Variants in CGNL1 observed in about 807,000 individuals in gnomAD.
CGNL1 encodes the protein cingulin like 1, also known as cingulin-like protein 1.
CGNL1 carries 132 observed loss-of-function variants against 141.2 expected under a neutral mutation model. The observed-to-expected ratio is 0.93, with a 90% CI of 0.81 to 1.08. The LOEUF is 1.08. Ranked by LOEUF, CGNL1 falls within the 50% of genes least tolerant of loss-of-function variation. CGNL1 has a pLI of 0.00. For missense variants in CGNL1, 1,870 were observed against 1,588.6 expected (o/e 1.18, Z -3.01); for synonymous variants, 690 against 622.1 (o/e 1.11, Z -1.63).
chr15:57,386,438 G>A (rs1706396), intron 1 of CGNL1, among the ~76,000 whole-genome samples: 115,800 of 152,128 alleles, frequency 0.76, 44,728 homozygotes, highest in Admixed American at 0.83. Flanking sequence ...ATCCGTTTCA[G>A]TCAAGGACAC....
At chr15:57,413,390 G>C (rs1196250454) in intron 1 of CGNL1, among the ~76,000 whole-genome samples, 1 of 151,404 alleles carries the variant, frequency 6.6e-6, no homozygotes, top group Non-Finnish European at 1.5e-5. Context: ...CATCCTCCGA[G>C]CTCAGCCTCC....
chr15:57,473,280 A>G (rs1231319543), intron 8 of CGNL1, among the ~76,000 whole-genome samples: 4 of 152,124 alleles, frequency 2.6e-5, no homozygotes, highest in African/African-American at 7.2e-5. Flanking sequence ...CCTGATGGAT[A>G]TTTTTCTAAA....
intron 8 of CGNL1, among the ~76,000 whole-genome samples, chr15:57,505,308 A>G (rs2064086451): frequency 6.6e-6 from 1 of 152,186 alleles, no homozygotes; most frequent in African/African-American, 2.4e-5. Context: ...CGTGCAGTGA[A>G]TGGATCCGTA....
At chr15:57,414,532 A>G (rs1431721761) in intron 1 of CGNL1, among the ~76,000 whole-genome samples, 18 of 152,136 alleles carry the variant, frequency 1.2e-4, no homozygotes, top group Admixed American at 1.0e-3. Context: ...GTTCAAGGGG[A>G]GTCTGCAGTG....
Position 57,396,277 on chromosome 15 carries a change from G to C in CGNL1, c.-16+19710G>C, listed in dbSNP as rs369264631. 6.2e-5 allele frequency among the ~76,000 whole-genome samples: 8 copies of C among 129,218 alleles called. No individual in the cohort carries two copies. In the South Asian group the frequency reaches 1.4e-3, roughly 23 times the overall value. 84.8% of individuals were successfully genotyped at this position (129,218 alleles called of 152,430 possible). ...ATTGTGCTACTTACTTTCTTTCTTT[G>C]TTTTTTTTTTTTTTTTTGGAAACAG... On this transcript the variant is annotated intron_variant, in intron 1 of 18. Coordinates refer to ENST00000281282, the MANE Select transcript of CGNL1 (RefSeq NM_032866.5).
intron 8 of CGNL1, among the ~76,000 whole-genome samples, chr15:57,464,399 A>G (rs796742688): frequency 2.4e-4 from 37 of 152,348 alleles, no homozygotes; most frequent in African/African-American, 8.9e-4. Flanking sequence ...AATAAATAAA[A>G]TAACATAGAC....
intron 7 of CGNL1, among the ~76,000 whole-genome samples, chr15:57,461,306 C>T (rs1225027138): frequency 6.6e-6 from 1 of 152,122 alleles, no homozygotes; most frequent in South Asian, 2.1e-4. Context: ...GGCAAGCTGG[C>T]GTGCCCCCGT....
chr15:57,547,548 A>C lies in CGNL1; in HGVS notation c.*58A>C. 6.3e-7 allele frequency: 1 copy of C among 1,581,598 alleles called. No homozygotes were observed. Among genetic ancestry groups the C allele is most frequent in the Non-Finnish European group, 8.6e-7 (1 of 1,161,766 alleles). On this transcript the variant is annotated 3_prime_UTR_variant, in exon 19 of 19. Coordinates refer to ENST00000281282, the MANE Select transcript of CGNL1 (RefSeq NM_032866.5). ...TCCTGCAGGAGCTGCAGCCACCCAA[A>C]GTGGGAGGCAGGGAGGGGAGCATCT...
In CGNL1 at chr15:57,516,865, A is replaced by G; in HGVS notation, c.2489A>G (p.Glu830Gly). The G allele has an allele frequency of 1.2e-6, 2 of 1,614,116 alleles. No individual in the cohort carries two copies. The highest frequency in any genetic ancestry group is 8.5e-7 in the Non-Finnish European group (1 of 1,180,020). Reference protein sequence around the residue: ...TEMRVKLLQEENEKLQGRSEE... With the variant: ...TEMRVKLLQEGNEKLQGRSEE... ...ATGCGCGTGAAGCTTCTGCAGGAGG[A>G]GAATGAGAAGCTGCAGGGAAGAAGC... The change falls in exon 9 of 19, where the codon GAG (glutamate) becomes GGG (glycine). Residue 830 changes from glutamate (E) to glycine (G), a missense_variant. By Grantham distance (98) the Glu-to-Gly change is moderately conservative (BLOSUM62 -2). Coordinates refer to ENST00000281282, the MANE Select transcript of CGNL1 (RefSeq NM_032866.5).
At chr15:57,529,923 T>C (rs905265841) in intron 13 of CGNL1, among the ~76,000 whole-genome samples, 29 of 152,194 alleles carry the variant, frequency 1.9e-4, no homozygotes, top group African/African-American at 7.0e-4. Flanking sequence ...CTGATTACAG[T>C]TTTATTGCTC....
chr15:57,384,844 CCT>C (rs1351383794), intron 1 of CGNL1, among the ~76,000 whole-genome samples: 2 of 152,282 alleles, frequency 1.3e-5, no homozygotes, highest in South Asian at 4.2e-4. Flanking sequence ...CCTTGTATTT[CCT>C]CTGTCTCTAG....
intron 12 of CGNL1, chr15:57,527,736 C>G (rs963909477): frequency 6.6e-6 from 1 of 152,236 alleles, no homozygotes; most frequent in Non-Finnish European, 1.5e-5. Context: ...GCTAGCTAAT[C>G]ATGTTCTTCT....
intron 1 of CGNL1, among the ~76,000 whole-genome samples, chr15:57,407,475 C>G (rs1399103996): frequency 1.3e-5 from 2 of 152,090 alleles, no homozygotes; most frequent in African/African-American, 4.8e-5. Context: ...GAGTTTGAGA[C>G]CAGCCTGGGC....
intron 13 of CGNL1, among the ~76,000 whole-genome samples, chr15:57,530,886 T>C (rs1286380089): frequency 6.6e-6 from 1 of 152,202 alleles, no homozygotes; most frequent in Non-Finnish European, 1.5e-5. Flanking sequence ...TGCTGCAGGT[T>C]CACATTTAAA....
At chr15:57,395,334 C>G (rs17820257) in intron 1 of CGNL1, among the ~76,000 whole-genome samples, 36,233 of 152,148 alleles carry the variant, frequency 0.24, 4,448 homozygotes, top group African/African-American at 0.28. Flanking sequence ...ATAAAATCTT[C>G]TTACTTCTGC....
At chr15:57,545,978 C>G (rs573627220) in intron 17 of CGNL1, 98 bp from the exon 18 acceptor site, 1 of 1,389,870 alleles carries the variant, frequency 7.2e-7, no homozygotes, top group Admixed American at 2.1e-5. Flanking sequence ...TTGCCCATGT[C>G]TTGGTTGCCT....
chr15:57,523,431 G>T, intron 10 of CGNL1, 58 bp from the exon 11 acceptor site: 1 of 1,577,902 alleles, frequency 6.3e-7, no homozygotes, highest in East Asian at 2.2e-5. Flanking sequence ...TGTGCCACCC[G>T]TTCCTGTGGC....
At chr15:57,487,583 C>CA (rs1404323367) in intron 8 of CGNL1, among the ~76,000 whole-genome samples, 2 of 152,078 alleles carry the variant, frequency 1.3e-5, no homozygotes, top group African/African-American at 4.8e-5. Context: ...TCAGATTTTC[C>CA]TTTTGTTCAG....
intron 1 of CGNL1, among the ~76,000 whole-genome samples, chr15:57,413,534 C>T (rs1158229918): frequency 1.3e-5 from 2 of 152,224 alleles, no homozygotes; most frequent in Non-Finnish European, 2.9e-5. Flanking sequence ...CATCCATCCC[C>T]CTCAGCCTCC....
Sources: allele counts gnomAD v4.1 joint callset (sites outside exome capture counted in the v4.1 genomes callset), GRCh38; gene constraint gnomAD v4.1.1; transcripts MANE v1.5; gene names NCBI Gene and HGNC (gene_info 2026-07-23, HGNC 2026-07-21).